The following TRIP12 variants were observed in gnomAD, a reference collection of about 807,000 sequenced individuals.
The protein encoded by TRIP12 is thyroid hormone receptor interactor 12, also known as E3 ubiquitin-protein ligase TRIP12.
A neutral mutation model predicts 244.2 loss-of-function variants in TRIP12; 25 were observed. The ratio of observed to expected loss-of-function variants is 0.10; its 90% CI spans 0.07 to 0.14. TRIP12 has a LOEUF of 0.14. Ranked by LOEUF, TRIP12 falls within the 10% of genes least tolerant of loss-of-function variation. The pLI is 1.00. For missense variants in TRIP12, 1,677 were observed against 2,486.4 expected, an observed-to-expected ratio of 0.67 and a Z score of 6.92; for synonymous variants, 905 against 873.1, an observed-to-expected ratio of 1.04 and a Z score of -0.64.
chr2:229,859,107 C>G lies in TRIP12; in HGVS notation c.692G>C (p.Gly231Ala), dbSNP rs372749816. ...AGAAGAATCAGTGATGGTGCTACAC[C>G]CAGCTTTGGCTGAGGTGGCTGATTT... ...ASKSATSAKA[G>A]CSTITDSSSA... The change falls in exon 4 of 42, where the codon GGG becomes GCG. Residue 231 changes from glycine to alanine, a missense_variant. Gly to Ala is a moderately conservative substitution (Grantham distance 60, BLOSUM62 0). Transcript: ENST00000675903. 6 of 1,614,190 alleles carry G rather than the reference C, an allele frequency of 3.7e-6. No homozygotes were observed. Among genetic ancestry groups the G allele is most frequent in the Non-Finnish European group, 5.1e-6 (6 of 1,180,026 alleles).
At chr2:229,810,770 A>G (rs2047070421) in intron 15 of TRIP12, 110 bp downstream of exon 15, 1 of 1,096,586 alleles carries the variant, frequency 9.1e-7, no homozygotes, top group Non-Finnish European at 1.3e-6. Flanking sequence ...TTACTATCCA[A>G]TGCCTATAAT....
chr2:229,846,013 T>TTAA (rs2057502189), intron 4 of TRIP12, among the ~76,000 whole-genome samples: 1 of 56,818 alleles, frequency 1.8e-5, no homozygotes, highest in Non-Finnish European at 4.5e-5. Flanking sequence ...TCTCTTTTTT[T>TTAA]CAAAAAAAAA....
At chr2:229,842,841 T>C (rs1223956443) in intron 4 of TRIP12, among the ~76,000 whole-genome samples, 1 of 152,234 alleles carries the variant, frequency 6.6e-6, no homozygotes, top group African/African-American at 2.4e-5. Context: ...TCTTTCACTA[T>C]TCATGTCCTA....
chr2:229,872,698 CCT>C (rs1444062524), intron 2 of TRIP12, among the ~76,000 whole-genome samples: 1 of 152,138 alleles, frequency 6.6e-6, no homozygotes, highest in Non-Finnish European at 1.5e-5. Context: ...TCAAAAATGT[CCT>C]CTTACTCTAA....
rs904435857 is a variant in TRIP12, at chr2:229,829,417, T to A, written c.1355-129A>T. 4.4e-6 allele frequency: 3 copies of A among 684,730 alleles called. No individual in the cohort carries two copies. The African/African-American group carries it at 5.5e-5, about 12-fold the overall frequency. 42.4% of individuals were successfully genotyped at this position (684,730 alleles called of 1,614,324 possible). A position where few individuals can be genotyped will look rare whatever the true frequency, so the allele number is the denominator to read the frequency against. On this transcript the variant is annotated intron_variant, in intron 7 of 41. Coordinates refer to ENST00000675903, the MANE Select transcript of TRIP12 (RefSeq NM_001348323.3). The stretch of plus-strand genomic sequence containing the variant: ...CAATGTTACTTTGCTTTCTGGACTT[T>A]TAAGAGAAGCTACAAACTTTCAAGA...
chr2:229,848,191 A>G (rs1282600039), intron 4 of TRIP12, among the ~76,000 whole-genome samples: 2 of 152,192 alleles, frequency 1.3e-5, no homozygotes, highest in Non-Finnish European at 2.9e-5. Context: ...ATGTACTCAG[A>G]GCTTATAAAT....
intron 29 of TRIP12, chr2:229,791,653 T>C (rs2041566907): frequency 6.8e-6 from 4 of 586,770 alleles, no homozygotes; most frequent in African/African-American, 1.9e-5. Flanking sequence ...ATGATTACTG[T>C]CCATGGATAT....
At chr2:229,858,732 C>CT (rs2060029830) in intron 4 of TRIP12, 40 bp downstream of exon 4, 1 of 1,503,936 alleles carries the variant, frequency 6.6e-7, no homozygotes, top group South Asian at 1.3e-5. Flanking sequence ...CCAAGAGAAA[C>CT]TTTCTTTAAT....
chr2:229,921,818 C>T (rs1482820396), intron 1 of TRIP12, 62 bp downstream of exon 1: 1 of 121,100 alleles, frequency 8.3e-6, no homozygotes, highest in Non-Finnish European at 1.8e-5. Context: ...GCCCCCCCAA[C>T]CCCTCAGCTG....
intron 1 of TRIP12, among the ~76,000 whole-genome samples, chr2:229,882,576 T>G (rs985777979): frequency 6.6e-6 from 1 of 152,078 alleles, no homozygotes; most frequent in Non-Finnish European, 1.5e-5. Flanking sequence ...TGTTAGAAAT[T>G]TCTCTACTTC....
intron 15 of TRIP12, among the ~76,000 whole-genome samples, 154 bp from the exon 16 acceptor site, chr2:229,808,523 G>A (rs926493477): frequency 2.6e-5 from 4 of 152,252 alleles, no homozygotes; most frequent in Middle Eastern, 3.4e-3. Context: ...CAAAAGTGCT[G>A]TAATAAAGGC....
In TRIP12 at chr2:229,914,440, T is replaced by C. The variant is rs377072448; in HGVS notation, c.-50+7440A>G. ...TATTTACAAGGCTACTAGAAGCACT[T>C]GGTTTTTGAGAATCAAAAAAAGTAG... is the stretch of plus-strand genomic sequence containing the variant. On this transcript the variant is annotated intron_variant, in intron 1 of 41. Coordinates refer to ENST00000675903, the MANE Select transcript of TRIP12 (RefSeq NM_001348323.3). 3.9e-4 allele frequency among the ~76,000 whole-genome samples: 59 copies of C among 152,272 alleles called. 1 individual carries two copies. The highest frequency in any genetic ancestry group is 3.4e-3 in the Middle Eastern group (1 of 294).
At position 229,852,373 on chromosome 2, in the gene TRIP12, T is replaced by A. The variant is rs1003167836; in HGVS notation, c.1027+6399A>T. On this transcript the variant is annotated intron_variant, in intron 4 of 41. Transcript: ENST00000675903. ...TTTGAAATTATTGCAAATTTTTTTT[T>A]AAATTAGCTTTTATAAGAAGGTAGA... Among the ~76,000 whole-genome samples the A allele has an allele frequency of 9.2e-5, 14 of 152,262 alleles. No individual in the cohort carries two copies. The East Asian group carries it at 1.2e-3, about 13-fold the overall frequency.
chr2:229,823,355 C>A (rs989819165), intron 8 of TRIP12, among the ~76,000 whole-genome samples: 1 of 151,972 alleles, frequency 6.6e-6, no homozygotes, highest in Non-Finnish European at 1.5e-5. Context: ...TGCAGTAGCC[C>A]GATCTCGGCT....
chr2:229,807,651 C>T (rs1167598738), intron 17 of TRIP12, 57 bp downstream of exon 17: 2 of 1,601,556 alleles, frequency 1.2e-6, no homozygotes, highest in African/African-American at 2.7e-5. Context: ...CCATTCCATC[C>T]CTACACCCAC....
chr2:229,871,250 G>A (rs1010323082), intron 2 of TRIP12, among the ~76,000 whole-genome samples: 1 of 151,958 alleles, frequency 6.6e-6, no homozygotes, highest in African/African-American at 2.4e-5. Flanking sequence ...GAAAAGAGAA[G>A]AGATCCTAAT....
At chr2:229,769,753 G>C (rs966914398) in intron 39 of TRIP12, among the ~76,000 whole-genome samples, 1 of 152,160 alleles carries the variant, frequency 6.6e-6, no homozygotes, top group African/African-American at 2.4e-5. Context: ...GCTGGAGAAA[G>C]AAGTGGGAGA....
At chr2:229,898,701 T>A (rs1271509534) in intron 1 of TRIP12, among the ~76,000 whole-genome samples, 1 of 151,770 alleles carries the variant, frequency 6.6e-6, no homozygotes, top group Non-Finnish European at 1.5e-5. Context: ...TTTGTTTAAA[T>A]TTTTTTTTAA....
chr2:229,880,379 C>T (rs75003233), intron 1 of TRIP12, among the ~76,000 whole-genome samples: 9 of 152,178 alleles, frequency 5.9e-5, no homozygotes, highest in Non-Finnish European at 1.2e-4. Flanking sequence ...TTAGATTTCA[C>T]GGAATAGCCA....
Sources: allele counts gnomAD v4.1 joint callset (sites outside exome capture counted in the v4.1 genomes callset), GRCh38; gene constraint gnomAD v4.1.1; transcripts MANE v1.5; gene names NCBI Gene and HGNC (gene_info 2026-07-23, HGNC 2026-07-21).